MAP3K8: variants seen among roughly 807,000 people sequenced by gnomAD.
MAP3K8 encodes Ewing sarcoma transformant.
Under a neutral mutation model 45.8 loss-of-function variants are expected in MAP3K8, and 22 were observed. That is an observed-to-expected ratio of 0.48 (90% CI 0.34 to 0.69). The LOEUF is 0.69. Ranked by LOEUF, MAP3K8 falls within the 30% of genes least tolerant of loss-of-function variation. The pLI is 0.01. For missense variants in MAP3K8, 419 were observed against 585.0 expected (o/e 0.72, Z 2.93); for synonymous variants, 223 against 214.3 (o/e 1.04, Z -0.36).
chr10:30,453,827 G>T (rs1441110140), intron 6 of MAP3K8, among the ~76,000 whole-genome samples: 1 of 151,072 alleles, frequency 6.6e-6, no homozygotes, highest in Non-Finnish European at 1.5e-5. Context: ...GAGCCTGGGG[G>T]TTCGAGACCA....
Position 30,461,645 on chromosome 10 carries a change from A to C in MAP3K8, c.*809A>C, listed in dbSNP as rs1836943191. 1.1e-5 allele frequency: 2 copies of C among 185,942 alleles called. No homozygotes were observed. Among genetic ancestry groups the C allele is most frequent in the African/African-American group, 4.7e-5 (2 of 42,690 alleles). The allele number at this position is 185,942 out of a possible 1,614,324, so 11.5% of individuals were successfully genotyped here. A position where few individuals can be genotyped will look rare whatever the true frequency, so the allele number is the denominator to read the frequency against. ...TTTCTTTTAAGCATTTGTATATTAA[A>C]ATAGCATACTGTGTATGTTTTATAT... On this transcript the variant is annotated 3_prime_UTR_variant, in exon 9 of 9. Transcript: ENST00000263056.
Position 30,439,005 on chromosome 10 carries a change from G to A in MAP3K8, c.67G>A (p.Val23Met). The change falls in exon 3 of 9, where the codon GTG becomes ATG. Residue 23 changes from valine (V) to methionine (M), a missense_variant. By Grantham distance (21) the Val-to-Met change is conservative (BLOSUM62 1). Around this residue, in one of 3 missense-constraint regions of MAP3K8, gnomAD observed 102 missense variants for 93.5 expected, o/e 1.09. Transcript: ENST00000263056. Reference sequence around the variant, plus strand: ...TGATTTATTAATTAAACATTTAAATGTGTCTGATGTAATAGACATTATGGA... The same window carrying A: ...TGATTTATTAATTAAACATTTAAATATGTCTGATGTAATAGACATTATGGA... ...EIDLLIKHLNVSDVIDIMENL... is the reference protein window; with the variant it reads ...EIDLLIKHLNMSDVIDIMENL... 6.2e-7 allele frequency: 1 copy of A among 1,612,026 alleles called. No homozygotes were observed. The highest frequency in any genetic ancestry group is 8.5e-7 in the Non-Finnish European group (1 of 1,178,088).
At chr10:30,453,457 A>T (rs1836619749) in intron 6 of MAP3K8, among the ~76,000 whole-genome samples, 1 of 152,156 alleles carries the variant, frequency 6.6e-6, no homozygotes, top group Non-Finnish European at 1.5e-5. Flanking sequence ...TGAAGCAAAA[A>T]ACGACCCAGA....
intron 7 of MAP3K8, 28 bp downstream of exon 7, chr10:30,458,264 GCGGC>G: frequency 7.6e-6 from 10 of 1,310,200 alleles, no homozygotes; most frequent in Non-Finnish European, 8.1e-6. Flanking sequence ...AGGGCTGGGG[GCGGC>G]GGGGGGGGGC....
intron 8 of MAP3K8, among the ~76,000 whole-genome samples, chr10:30,459,857 T>G (rs8177031): frequency 0.013 from 1,988 of 152,198 alleles, 41 homozygotes; most frequent in African/African-American, 0.045. Flanking sequence ...TTTTCTTTTT[T>G]TTTGAGATGG....
intron 3 of MAP3K8, 29 bp downstream of exon 3, chr10:30,439,303 T>G: frequency 6.2e-7 from 1 of 1,611,392 alleles, no homozygotes; most frequent in Non-Finnish European, 8.5e-7. Context: ...AGTTGGGTGC[T>G]ATGTGCTCAG....
At chr10:30,439,573 G>T in intron 3 of MAP3K8, 1 of 512,192 alleles carries the variant, frequency 2.0e-6, no homozygotes, top group Non-Finnish European at 3.4e-6. Flanking sequence ...ACTTGGAGAG[G>T]CCGAGGTGGG....
intron 8 of MAP3K8, 78 bp from the exon 9 acceptor site, chr10:30,460,628 A>C: frequency 8.1e-7 from 1 of 1,233,672 alleles, no homozygotes; most frequent in Non-Finnish European, 1.1e-6. Context: ...CCAAAGATTT[A>C]TTTCACTGCA....
chr10:30,439,681 T>C (rs303445), intron 3 of MAP3K8, among the ~76,000 whole-genome samples: 110,829 of 151,972 alleles, frequency 0.73, 41,159 homozygotes, highest in African/African-American at 0.85. Context: ...TGGTGGCGGG[T>C]GCCTGTAATT....
At position 30,437,414 on chromosome 10, in the gene MAP3K8, C is replaced by A. The variant is rs1474533937; in HGVS notation, c.-24+8C>A. ...TCACGACCACCTCATGAGGTAGGTGCTGTTATTACTTCCATTTTACAGATG... is the reference window on the plus strand; with the variant it reads ...TCACGACCACCTCATGAGGTAGGTGATGTTATTACTTCCATTTTACAGATG... On this transcript the variant is annotated splice_region_variant and intron_variant, in intron 2 of 8. Transcript: ENST00000263056. 9 of 585,584 alleles carry A rather than the reference C, an allele frequency of 1.5e-5. No individual in the cohort carries two copies. The Admixed American group carries it at 1.9e-4, about 12-fold the overall frequency. The allele number at this position is 585,584 out of a possible 1,614,324, so 36.3% of individuals were successfully genotyped here.
At chr10:30,449,796 C>T (rs1272997062) in intron 4 of MAP3K8, among the ~76,000 whole-genome samples, 2 of 152,122 alleles carry the variant, frequency 1.3e-5, no homozygotes. Flanking sequence ...AGGCATGAGC[C>T]ACCGCCCAGC....
At chr10:30,446,217 A>G (rs1836328656) in intron 3 of MAP3K8, among the ~76,000 whole-genome samples, 1 of 152,124 alleles carries the variant, frequency 6.6e-6, no homozygotes, top group Non-Finnish European at 1.5e-5. Flanking sequence ...GTTACTTGAA[A>G]TAAGTTAAGG....
intron 8 of MAP3K8, among the ~76,000 whole-genome samples, chr10:30,459,738 G>A (rs1240361090): frequency 6.6e-6 from 1 of 152,112 alleles, no homozygotes; most frequent in Non-Finnish European, 1.5e-5. Context: ...ACAGTCACTG[G>A]AAAATGCTTC....
chr10:30,452,178 A>T (rs1213128981), intron 6 of MAP3K8, among the ~76,000 whole-genome samples: 1 of 151,700 alleles, frequency 6.6e-6, no homozygotes, highest in Non-Finnish European at 1.5e-5. Context: ...TATAAAAAAA[A>T]ACTGGTTTAG....
intron 8 of MAP3K8, 141 bp downstream of exon 8, chr10:30,459,642 C>A: frequency 1.0e-6 from 1 of 961,002 alleles, no homozygotes; most frequent in Non-Finnish European, 1.5e-6. Context: ...GAAATTTCAG[C>A]AAGATTAGCA....
At chr10:30,443,833 C>T (rs115263921) in intron 3 of MAP3K8, among the ~76,000 whole-genome samples, 1 of 152,202 alleles carries the variant, frequency 6.6e-6, no homozygotes, top group African/African-American at 2.4e-5. Flanking sequence ...TAATGCCTGC[C>T]CTTACAGGTG....
At chr10:30,439,538 A>G in intron 3 of MAP3K8, 1 of 708,418 alleles carries the variant, frequency 1.4e-6, no homozygotes, top group Non-Finnish European at 2.2e-6. Context: ...GGCCGGGTGC[A>G]GGGGCTCACG....
chr10:30,459,199 G>C (rs1836847909), intron 7 of MAP3K8, 56 bp from the exon 8 acceptor site: 14 of 1,600,758 alleles, frequency 8.7e-6, no homozygotes, highest in Non-Finnish European at 1.2e-5. Flanking sequence ...GCATGCTTTT[G>C]CTGTTGAGGG....
At chr10:30,447,010 C>T (rs1450619504) in intron 3 of MAP3K8, among the ~76,000 whole-genome samples, 1 of 152,122 alleles carries the variant, frequency 6.6e-6, no homozygotes, top group Non-Finnish European at 1.5e-5. Context: ...CTCAGTCTCC[C>T]AGTATGCTAG....
Sources: gnomAD v4.1 joint callset for allele counts (sites outside exome capture counted in the v4.1 genomes callset) on GRCh38, gnomAD v4.1.1 for gene constraint, gnomAD v4.1.1 regional missense constraint, MANE v1.5 for transcripts, NCBI Gene and HGNC (gene_info 2026-07-23, HGNC 2026-07-21) for gene names.